The following OSBPL6 variants were observed in gnomAD, a reference collection of about 807,000 sequenced individuals.
OSBPL6 encodes the protein oxysterol-binding protein-related protein 6.
In OSBPL6, 49 loss-of-function variants were observed where a neutral mutation model predicts 125.8. That is an observed-to-expected ratio of 0.39 (90% CI 0.31 to 0.49). OSBPL6 has a LOEUF of 0.49. OSBPL6 is among the 20% of genes least tolerant of loss of function. The probability of loss-of-function intolerance (pLI) is 0.88; values close to 1 mark genes in which losing one functional copy is unlikely to be tolerated. For synonymous variants in OSBPL6, 394 were observed against 391.8 expected (o/e 1.01, Z -0.07); for missense variants, 986 against 1,135.4 (o/e 0.87, Z 1.89).
At chr2:178,338,047 T>G (rs1689856706) in intron 9 of OSBPL6, among the ~76,000 whole-genome samples, 1 of 150,622 alleles carries the variant, frequency 6.6e-6, no homozygotes, top group South Asian at 2.1e-4. Context: ...GTTCAAGAGA[T>G]TCTTCTGCCT....
chr2:178,328,523 T>TGTTACCCAAGCTGTGA, intron 5 of OSBPL6, 145 bp downstream of exon 5: 1 of 965,548 alleles, frequency 1.0e-6, no homozygotes, highest in Non-Finnish European at 1.5e-6. Context: ...ATTCTCACTC[T>TGTTACCCAAGCTGTGA]GTTACCCAAG....
At chr2:178,231,528 CT>C (rs1328039064) in intron 1 of OSBPL6, among the ~76,000 whole-genome samples, 2 of 152,006 alleles carry the variant, frequency 1.3e-5, no homozygotes, top group Admixed American at 1.3e-4. Flanking sequence ...AAAGGAAAAC[CT>C]TACCAAGGAC....
At chr2:178,389,354 G>T (rs766353719) in intron 21 of OSBPL6, among the ~76,000 whole-genome samples, 1 of 152,088 alleles carries the variant, frequency 6.6e-6, no homozygotes, top group East Asian at 1.9e-4. Context: ...GTCAAAAAAG[G>T]CATCATCTAA....
intron 1 of OSBPL6, among the ~76,000 whole-genome samples, chr2:178,241,869 G>T (rs1574600482): frequency 6.6e-6 from 1 of 152,176 alleles, no homozygotes; most frequent in East Asian, 1.9e-4. Context: ...TTATCATATA[G>T]TATTTTTATG....
intron 11 of OSBPL6, among the ~76,000 whole-genome samples, chr2:178,340,681 C>G (rs921994055): frequency 5.3e-5 from 8 of 152,068 alleles, no homozygotes; most frequent in African/African-American, 1.9e-4. Context: ...AATTATACTA[C>G]AAATAAATTT....
In OSBPL6 at chr2:178,395,917, C is replaced by T. The variant is rs959665742; in HGVS notation, c.*358C>T. 5.8e-5 allele frequency: 23 copies of T among 397,472 alleles called. No homozygotes were observed. Among genetic ancestry groups the T allele is most frequent in the Non-Finnish European group, 9.2e-5 (19 of 207,428 alleles). 24.6% of individuals were successfully genotyped at this position (397,472 alleles called of 1,614,324 possible). A position where few individuals can be genotyped will look rare whatever the true frequency, so the allele number is the denominator to read the frequency against. ...GCTTAAAGCTGATCAAGAAAGTTAACAACAACATAGAAACCACACGATTGT... is the reference window on the plus strand; with the variant it reads ...GCTTAAAGCTGATCAAGAAAGTTAATAACAACATAGAAACCACACGATTGT... On this transcript the variant is annotated 3_prime_UTR_variant, in exon 25 of 25. Coordinates refer to ENST00000190611, the MANE Select transcript of OSBPL6 (RefSeq NM_032523.4).
At chr2:178,265,520 T>G (rs900318230) in intron 1 of OSBPL6, among the ~76,000 whole-genome samples, 1 of 152,088 alleles carries the variant, frequency 6.6e-6, no homozygotes, top group African/African-American at 2.4e-5. Context: ...GCTGGATGCT[T>G]TAATTTATTC....
intron 12 of OSBPL6, among the ~76,000 whole-genome samples, chr2:178,361,073 T>C (rs1225840730): frequency 2.6e-5 from 4 of 152,216 alleles, no homozygotes; most frequent in African/African-American, 9.7e-5. Flanking sequence ...GTGTTGTTTT[T>C]ATTGTTGCTT....
intron 15 of OSBPL6, among the ~76,000 whole-genome samples, chr2:178,380,819 T>G (rs923173033): frequency 6.6e-5 from 10 of 152,224 alleles, no homozygotes; most frequent in African/African-American, 2.4e-4. Context: ...ATGTTGCCTT[T>G]CCAAATAAAG....
At chr2:178,327,600 A>G (rs1419048824) in intron 4 of OSBPL6, among the ~76,000 whole-genome samples, 2 of 152,174 alleles carry the variant, frequency 1.3e-5, no homozygotes, top group Non-Finnish European at 2.9e-5. Context: ...TATTCTAAAC[A>G]TTATTCATAA....
At chr2:178,289,049 G>A (rs13024959) in intron 2 of OSBPL6, among the ~76,000 whole-genome samples, 50,353 of 134,096 alleles carry the variant, frequency 0.38, 10,119 homozygotes, top group East Asian at 0.64. Context: ...ACAGAGTCTC[G>A]CTCTGTCACC....
chr2:178,387,188 C>T, intron 20 of OSBPL6, 49 bp downstream of exon 20: 18 of 1,383,300 alleles, frequency 1.3e-5, no homozygotes, highest in Non-Finnish European at 1.8e-5. Context: ...TTTTCTAAAT[C>T]ATAAATGGGT....
chr2:178,297,233 G>C (rs1685838896), intron 2 of OSBPL6, among the ~76,000 whole-genome samples: 1 of 151,950 alleles, frequency 6.6e-6, no homozygotes, highest in African/African-American at 2.4e-5. Flanking sequence ...GCTCACTATT[G>C]AACAGATAGG....
At chr2:178,353,533 G>T (rs1478655947) in intron 12 of OSBPL6, among the ~76,000 whole-genome samples, 2 of 152,112 alleles carry the variant, frequency 1.3e-5, no homozygotes, top group Non-Finnish European at 2.9e-5. Flanking sequence ...AAAACAAGAA[G>T]ACAAGGTTAG....
intron 5 of OSBPL6, among the ~76,000 whole-genome samples, chr2:178,330,371 G>A (rs1689093611): frequency 6.6e-6 from 1 of 152,196 alleles, no homozygotes. Context: ...TAAATAACAG[G>A]AGGGCCTGCT....
intron 1 of OSBPL6, among the ~76,000 whole-genome samples, chr2:178,253,196 AT>A: frequency 6.6e-6 from 1 of 151,922 alleles, no homozygotes; most frequent in African/African-American, 2.4e-5. Context: ...TAATTTTTGT[AT>A]TTTTAGTACA....
chr2:178,211,008 G>A (rs561965464), intron 1 of OSBPL6, among the ~76,000 whole-genome samples: 18 of 152,034 alleles, frequency 1.2e-4, no homozygotes, highest in Non-Finnish European at 1.9e-4. Context: ...GAGGCTAGGT[G>A]CAGTGGTTCA....
rs148600952 is a variant in OSBPL6 at position 178,217,839 on chromosome 2, G to A, written c.-351+23165G>A. ...TTGAACATGATTGGCACAACTGCTG[G>A]CATCTATGTCTGCAGCTCAATTTTA... is the stretch of plus-strand genomic sequence containing the variant. On this transcript the variant is annotated intron_variant, in intron 1 of 24. Transcript: ENST00000190611. Among the ~76,000 whole-genome samples the A allele has an allele frequency of 4.5e-3, 682 of 152,300 alleles. 5 individuals carry two copies. Among genetic ancestry groups the A allele is most frequent in the East Asian group, 0.032 (165 of 5,180 alleles).
At position 178,349,667 on chromosome 2, in the gene OSBPL6, A is replaced by G. The variant is rs141884504; in HGVS notation, c.1153+278A>G. Among the ~76,000 whole-genome samples, 992 of 152,172 alleles carry G rather than the reference A, an allele frequency of 6.5e-3. 7 individuals carry two copies. The highest frequency in any genetic ancestry group is 0.02 in the African/African-American group (838 of 41,510). On this transcript the variant is annotated intron_variant, in intron 12 of 24. Coordinates refer to ENST00000190611, the MANE Select transcript of OSBPL6 (RefSeq NM_032523.4). Reference sequence around the variant, plus strand: ...ATCTGGCAAGATACTACTACTCAACATTTTTTTCAATGTCTCTCGGTTATC... The same window carrying G: ...ATCTGGCAAGATACTACTACTCAACGTTTTTTTCAATGTCTCTCGGTTATC...
Sources: gnomAD v4.1 joint callset for allele counts (sites outside exome capture counted in the v4.1 genomes callset) on GRCh38, gnomAD v4.1.1 for gene constraint, MANE v1.5 for transcripts, NCBI Gene and HGNC (gene_info 2026-07-23, HGNC 2026-07-21) for gene names.